The following PHF24 variants were observed in gnomAD, a reference collection of about 807,000 sequenced individuals.
PHF24 encodes PHD finger protein 24, also known as Galpha inhibitory interacting protein.
A neutral mutation model predicts 42.6 loss-of-function variants in PHF24; 25 were observed. The ratio of observed to expected loss-of-function variants is 0.59; its 90% CI spans 0.43 to 0.82. The LOEUF is 0.82. Ranked by LOEUF, PHF24 falls within the 40% of genes least tolerant of loss-of-function variation. The pLI is 0.00. For synonymous variants in PHF24, 185 were observed against 204.8 expected (o/e 0.90, Z 0.83); for missense variants, 470 against 538.1 (o/e 0.87, Z 1.25).
chr9:34,916,102 T>A, the PHF24 span, among the ~76,000 whole-genome samples: 1 of 152,198 alleles, frequency 6.6e-6, no homozygotes, highest in African/African-American at 2.4e-5. Flanking sequence ...ATGTAGAGTG[T>A]CAGTCAATTA....
the PHF24 span, among the ~76,000 whole-genome samples, chr9:34,767,797 C>T: frequency 2.6e-3 from 395 of 152,356 alleles, 2 homozygotes; most frequent in African/African-American, 8.3e-3. Flanking sequence ...TCTTCTGCGT[C>T]GCTCACGCTG....
chr9:34,716,808 A>G, the PHF24 span, among the ~76,000 whole-genome samples: 3 of 152,094 alleles, frequency 2.0e-5, no homozygotes, highest in South Asian at 6.2e-4. Context: ...GGGTTTCACC[A>G]TATTGCCCAG....
At chr9:34,754,540 A>G in the PHF24 span, among the ~76,000 whole-genome samples, 1 of 152,180 alleles carries the variant, frequency 6.6e-6, no homozygotes, top group Non-Finnish European at 1.5e-5. Context: ...GTTTTTATCC[A>G]AAAGACAGGC....
chr9:34,678,228 C>T, the PHF24 span: 1 of 154,386 alleles, frequency 6.5e-6, no homozygotes, highest in African/African-American at 2.4e-5. Context: ...TCTCCTTGCT[C>T]CTCAGCCTGC....
At chr9:34,840,468 T>TCTC in the PHF24 span, among the ~76,000 whole-genome samples, 5 of 151,642 alleles carry the variant, frequency 3.3e-5, no homozygotes, top group South Asian at 2.1e-4. Context: ...TTCTTCTTCT[T>TCTC]CTCCTCCTCC....
the PHF24 span, among the ~76,000 whole-genome samples, chr9:34,941,834 G>T: frequency 7.8e-4 from 119 of 152,126 alleles, no homozygotes; most frequent in African/African-American, 2.8e-3. Flanking sequence ...CTTCCCAAAG[G>T]CTTCACCTAT....
chr9:34,887,174 T>C, the PHF24 span, among the ~76,000 whole-genome samples: 1 of 152,186 alleles, frequency 6.6e-6, no homozygotes, highest in Non-Finnish European at 1.5e-5. Flanking sequence ...CTATTGTCTC[T>C]ACCTTCAAAG....
At chr9:34,794,140 C>T in the PHF24 span, among the ~76,000 whole-genome samples, 1 of 152,122 alleles carries the variant, frequency 6.6e-6, no homozygotes, top group Non-Finnish European at 1.5e-5. Flanking sequence ...TGACTATAAA[C>T]AGCACTTGCA....
chr9:34,845,734 A>T, the PHF24 span, among the ~76,000 whole-genome samples: 2 of 145,786 alleles, frequency 1.4e-5, no homozygotes, highest in African/African-American at 5.1e-5. Flanking sequence ...TATCTCCTAA[A>T]GCGATCCCTC....
chr9:34,822,527 C>G, the PHF24 span, among the ~76,000 whole-genome samples: 2 of 151,986 alleles, frequency 1.3e-5, no homozygotes, highest in Non-Finnish European at 2.9e-5. Flanking sequence ...GATTCTATAC[C>G]CATTAGCAGT....
the PHF24 span, among the ~76,000 whole-genome samples, chr9:34,746,597 ACATT>A: frequency 1.3e-5 from 2 of 152,220 alleles, no homozygotes; most frequent in African/African-American, 4.8e-5. Flanking sequence ...ATAATATTAA[ACATT>A]CATTCATTAG....
the PHF24 span, among the ~76,000 whole-genome samples, chr9:34,773,106 T>C: frequency 6.6e-6 from 1 of 151,886 alleles, no homozygotes; most frequent in East Asian, 1.9e-4. Context: ...TTCTCCTGCC[T>C]CAGCCTCCCA....
At chr9:34,802,765 A>T in the PHF24 span, among the ~76,000 whole-genome samples, 2 of 152,170 alleles carry the variant, frequency 1.3e-5, no homozygotes. Context: ...GTAGTATCTT[A>T]AATGCTAAGA....
chr9:34,915,311 A>G, the PHF24 span, among the ~76,000 whole-genome samples: 1 of 152,060 alleles, frequency 6.6e-6, no homozygotes, highest in Non-Finnish European at 1.5e-5. Flanking sequence ...TCCTAGTCAA[A>G]GCATTTTCAG....
At chr9:34,787,327 TA>T in the PHF24 span, among the ~76,000 whole-genome samples, 640 of 145,626 alleles carry the variant, frequency 4.4e-3, 3 homozygotes, top group African/African-American at 9.9e-3. Context: ...TTTTTAAAAT[TA>T]AAAAAAAAAA....
the PHF24 span, among the ~76,000 whole-genome samples, chr9:34,699,371 C>A: frequency 6.6e-6 from 1 of 152,246 alleles, no homozygotes; most frequent in African/African-American, 2.4e-5. Context: ...GAAGTCCTCT[C>A]AGTGGGCAGA....
chr9:34,893,119 C>A, the PHF24 span: 1 of 829,386 alleles, frequency 1.2e-6, no homozygotes, highest in Non-Finnish European at 1.8e-6. Flanking sequence ...ACAGGATTCG[C>A]CGCACACTTC....
the PHF24 span, among the ~76,000 whole-genome samples, chr9:34,718,221 T>C: frequency 6.6e-6 from 1 of 152,092 alleles, no homozygotes; most frequent in African/African-American, 2.4e-5. Flanking sequence ...GCCTAGCCAC[T>C]AGCTGAGTGT....
the PHF24 span, among the ~76,000 whole-genome samples, chr9:34,674,054 C>A: frequency 6.6e-6 from 1 of 152,216 alleles, no homozygotes; most frequent in Non-Finnish European, 1.5e-5. Context: ...CTGCATCTGG[C>A]CTCATACCTA....
Sources: gnomAD v4.1 joint callset for allele counts (sites outside exome capture counted in the v4.1 genomes callset) on GRCh38, gnomAD v4.1.1 for gene constraint, MANE v1.5 for transcripts, NCBI Gene and HGNC (gene_info 2026-07-23, HGNC 2026-07-21) for gene names.